Variants in ANKRD33B observed in about 807,000 individuals in gnomAD.
The protein encoded by ANKRD33B is ankyrin repeat domain-containing protein 33B.
In ANKRD33B, 6 loss-of-function variants were observed where a neutral mutation model predicts 21.5. That is an observed-to-expected ratio of 0.28 (90% CI 0.15 to 0.55). The LOEUF is 0.55. Among genes scored for constraint, ANKRD33B ranks in the 20% least tolerant of loss-of-function variants. The probability of loss-of-function intolerance (pLI) is 0.94; values close to 1 mark genes in which losing one functional copy is unlikely to be tolerated. For synonymous variants in ANKRD33B, 347 were observed against 342.4 expected, an observed-to-expected ratio of 1.01 and a Z score of -0.15; for missense variants, 698 against 747.2, an observed-to-expected ratio of 0.93 and a Z score of 0.77.
At chr5:10,616,348 C>T (rs145040639) in intron 1 of ANKRD33B, among the ~76,000 whole-genome samples, 5 of 152,090 alleles carry the variant, frequency 3.3e-5, no homozygotes, top group South Asian at 4.2e-4. Context: ...GGGTAGATCA[C>T]GAGGTCAGGA....
rs1737290583 is a variant in ANKRD33B, at chr5:10,649,779, G to A, written c.1151G>A (p.Arg384Lys). 8 of 1,400,984 alleles carry A rather than the reference G, an allele frequency of 5.7e-6. No homozygotes were observed. Among genetic ancestry groups the A allele is most frequent in the Non-Finnish European group, 7.4e-6 (8 of 1,083,986 alleles). 86.8% of individuals were successfully genotyped at this position (1,400,984 alleles called of 1,614,324 possible). A position where few individuals can be genotyped will look rare whatever the true frequency, so the allele number is the denominator to read the frequency against. Residue 384 changes from arginine to lysine, a missense_variant, in exon 4 of 4, where the codon AGA (arginine) becomes AAA (lysine). This residue lies in a region of ANKRD33B where 543 missense variants were observed against 566.5 expected (regional missense o/e 0.96). Coordinates refer to ENST00000296657, the MANE Select transcript of ANKRD33B (RefSeq NM_001164440.2). ...EDADSREGSPRAGLPPALGSR... is the reference protein window; with the variant it reads ...EDADSREGSPKAGLPPALGSR... The stretch of plus-strand genomic sequence containing the variant: ...GCGGACTCCCGGGAGGGCTCCCCGA[G>A]AGCCGGCCTCCCTCCCGCCCTGGGG...
At chr5:10,621,891 ATGAGATCATGAGAGTAG>A (rs1736429392) in intron 2 of ANKRD33B, among the ~76,000 whole-genome samples, 1 of 152,164 alleles carries the variant, frequency 6.6e-6, no homozygotes, top group Admixed American at 6.5e-5. Flanking sequence ...TTAAGTTTAG[ATGAGATCATGAGAGTAG>A]GGCCACCATG....
At chr5:10,574,509 T>C (rs1170262008) in intron 1 of ANKRD33B, among the ~76,000 whole-genome samples, 1 of 152,038 alleles carries the variant, frequency 6.6e-6, no homozygotes, top group East Asian at 1.9e-4. Flanking sequence ...TCAAAATTTG[T>C]GGGGAAAAGC....
intron 1 of ANKRD33B, among the ~76,000 whole-genome samples, chr5:10,567,030 C>A (rs1735077935): frequency 6.6e-6 from 1 of 152,180 alleles, no homozygotes; most frequent in Non-Finnish European, 1.5e-5. Context: ...TTTTCTTCCC[C>A]TTTGATTACA....
At chr5:10,581,517 T>A (rs1380124926) in intron 1 of ANKRD33B, among the ~76,000 whole-genome samples, 3 of 152,248 alleles carry the variant, frequency 2.0e-5, no homozygotes, top group Non-Finnish European at 4.4e-5. Flanking sequence ...CTGGATGGTC[T>A]GGTTTCCCTT....
chr5:10,593,678 G>A (rs1481018960), intron 1 of ANKRD33B, among the ~76,000 whole-genome samples: 4 of 151,604 alleles, frequency 2.6e-5, no homozygotes, highest in Non-Finnish European at 4.4e-5. Flanking sequence ...TTCTCCTCCC[G>A]GGCAGGGGGG....
intron 2 of ANKRD33B, chr5:10,627,958 C>G (rs1736615501): frequency 6.6e-6 from 1 of 152,274 alleles, no homozygotes; most frequent in African/African-American, 2.4e-5. Context: ...AGGGATGCTG[C>G]CCTCCCCTAC....
In ANKRD33B at chr5:10,650,073, A is replaced by G; in HGVS notation, c.1445A>G (p.Gln482Arg). The G allele has an allele frequency of 2.0e-6, 3 of 1,529,352 alleles. No individual in the cohort carries two copies. The highest frequency in any genetic ancestry group is 2.6e-6 in the Non-Finnish European group (3 of 1,142,752). The allele number at this position is 1,529,352 out of a possible 1,614,324, so 94.7% of individuals were successfully genotyped here. The stretch of plus-strand genomic sequence containing the variant: ...GAAAAGAAGCGCCAGGCCGAGGCGC[A>G]GAAGGAGAGGCGCACTGCGCCCTGG... ...EAEKKRQAEA[Q>R]KERRTAPWKK... Residue 482 changes from glutamine (Q) to arginine (R), a missense_variant, in exon 4 of 4, where the codon CAG becomes CGG. Around this residue, in one of 3 missense-constraint regions of ANKRD33B, gnomAD observed 543 missense variants for 566.5 expected, o/e 0.96. Coordinates refer to ENST00000296657, the MANE Select transcript of ANKRD33B (RefSeq NM_001164440.2).
chr5:10,630,738 T>C (rs1303236683), intron 2 of ANKRD33B, among the ~76,000 whole-genome samples: 1 of 152,136 alleles, frequency 6.6e-6, no homozygotes, highest in Non-Finnish European at 1.5e-5. Context: ...CCAGGCACGG[T>C]GGCTCATGCC....
intron 1 of ANKRD33B, among the ~76,000 whole-genome samples, chr5:10,582,899 G>A (rs376121948): frequency 5.3e-5 from 8 of 152,078 alleles, no homozygotes; most frequent in African/African-American, 1.7e-4. Flanking sequence ...AGCTTGGTCA[G>A]CTCCATGAGG....
chr5:10,623,368 T>C (rs941658838), intron 2 of ANKRD33B, among the ~76,000 whole-genome samples: 16 of 152,168 alleles, frequency 1.1e-4, no homozygotes, highest in Non-Finnish European at 2.4e-4. Context: ...AATTGGGTGG[T>C]GTCCCTCGAT....
chr5:10,564,742 C>T lies in ANKRD33B; in HGVS notation c.275C>T (p.Ala92Val), dbSNP rs2126539264. Residue 92 changes from alanine to valine, a missense_variant, in exon 1 of 4, where the codon GCC becomes GTC. Coordinates refer to ENST00000296657, the MANE Select transcript of ANKRD33B (RefSeq NM_001164440.2). The stretch of plus-strand genomic sequence containing the variant: ...CCGGAGACGGCGACCCTCCTGCGCG[C>T]CGCCTGCGCCAACAACGTGGGGCTG... ...SVPETATLLR[A>V]ACANNVGLLR... The T allele has an allele frequency of 6.5e-7, 1 of 1,530,984 alleles. No homozygotes were observed. Among genetic ancestry groups the T allele is most frequent in the Non-Finnish European group, 8.7e-7 (1 of 1,144,130 alleles). 94.8% of individuals were successfully genotyped at this position (1,530,984 alleles called of 1,614,324 possible). A position where few individuals can be genotyped will look rare whatever the true frequency, so the allele number is the denominator to read the frequency against.
At chr5:10,593,327 C>T (rs1452703114) in intron 1 of ANKRD33B, among the ~76,000 whole-genome samples, 5 of 151,990 alleles carry the variant, frequency 3.3e-5, no homozygotes, top group Non-Finnish European at 7.4e-5. Flanking sequence ...GCTATTAACT[C>T]TTTTAAGAAA....
chr5:10,632,540 C>T (rs932667645), intron 2 of ANKRD33B, among the ~76,000 whole-genome samples: 3 of 152,186 alleles, frequency 2.0e-5, no homozygotes, highest in Admixed American at 1.3e-4. Context: ...TGTCCATCCA[C>T]TCATTTAGGA....
intron 1 of ANKRD33B, among the ~76,000 whole-genome samples, chr5:10,589,164 G>A (rs1021837532): frequency 6.6e-6 from 1 of 152,002 alleles, no homozygotes; most frequent in Admixed American, 6.6e-5. Context: ...TAATCCAACC[G>A]TGCTGTGGGA....
intron 1 of ANKRD33B, among the ~76,000 whole-genome samples, chr5:10,571,356 G>A (rs1474190848): frequency 6.6e-6 from 1 of 152,016 alleles, no homozygotes; most frequent in African/African-American, 2.4e-5. Context: ...CATGCGTCAC[G>A]ATGCCCAGCT....
At chr5:10,571,693 CAAT>C (rs377710437) in intron 1 of ANKRD33B, among the ~76,000 whole-genome samples, 17 of 152,228 alleles carry the variant, frequency 1.1e-4, no homozygotes, top group African/African-American at 3.9e-4. Flanking sequence ...ATTTAAACAA[CAAT>C]GACAAAGTTG....
At chr5:10,629,188 G>C (rs1267611509) in intron 2 of ANKRD33B, among the ~76,000 whole-genome samples, 4 of 152,240 alleles carry the variant, frequency 2.6e-5, no homozygotes, top group Admixed American at 6.5e-5. Context: ...ATGAATGGGG[G>C]CAGAAGTGGG....
chr5:10,643,458 G>A (rs1737110672), intron 3 of ANKRD33B, among the ~76,000 whole-genome samples: 1 of 149,394 alleles, frequency 6.7e-6, no homozygotes, highest in African/African-American at 2.4e-5. Context: ...TACAAAGTGA[G>A]AAGAGACATT....
Sources: allele counts gnomAD v4.1 joint callset (sites outside exome capture counted in the v4.1 genomes callset), GRCh38; gene constraint gnomAD v4.1.1; regional missense constraint gnomAD v4.1.1; transcripts MANE v1.5; gene names NCBI Gene and HGNC (gene_info 2026-07-23, HGNC 2026-07-21).